Variants in NF1 observed in about 807,000 individuals in gnomAD.
NF1 encodes neurofibromin 1, also known as neurofibromin.
Under a neutral mutation model 325.7 loss-of-function variants are expected in NF1, and 122 were observed. That is an observed-to-expected ratio of 0.37 (90% CI 0.32 to 0.44). The LOEUF is 0.44. Ranked by LOEUF, NF1 falls within the 20% of genes least tolerant of loss-of-function variation. The pLI, the probability that NF1 is intolerant of heterozygous loss-of-function variation, is 1.00. For missense variants in NF1, 2,140 were observed against 3,415.4 expected (o/e 0.63, Z 9.31); for synonymous variants, 1,091 against 1,186.0 (o/e 0.92, Z 1.65).
rs745378696 is a variant in NF1 at position 31,352,287 on chromosome 17, T to C, written c.7488T>C (p.Ser2496=). 1 of 1,614,130 alleles carries C rather than the reference T, an allele frequency of 6.2e-7. No individual in the cohort carries two copies. The highest frequency in any genetic ancestry group is 1.7e-5 in the Admixed American group (1 of 60,014). Residue 2496 remains serine (S), a synonymous_variant, in exon 51 of 58, where the codon TCT becomes TCC. Transcript: ENST00000358273. ...TAAAGGAGACTCAGCCATGGTCCTC[T>C]CCCAAAGGTTCTGAAGGATACCTTG... The part of the protein sequence containing the change: ...RTLKETQPWS[S]PKGSEGYLAA...
chr17:31,340,428 T>C, intron 46 of NF1, 77 bp from the exon 47 acceptor site: 1 of 1,586,826 alleles, frequency 6.3e-7, no homozygotes, highest in East Asian at 2.2e-5. Flanking sequence ...AGCTGCTTTA[T>C]TTTTAACTGC....
intron 1 of NF1, among the ~76,000 whole-genome samples, chr17:31,126,049 G>A (rs1471727779): frequency 1.3e-5 from 2 of 152,142 alleles, no homozygotes; most frequent in African/African-American, 2.4e-5. Flanking sequence ...TTAGCTGGAC[G>A]TTGTGGCATG....
At chr17:31,305,515 G>T in intron 36 of NF1, 1 of 1,614,156 alleles carries the variant, frequency 6.2e-7, no homozygotes, top group South Asian at 1.1e-5. Flanking sequence ...GGTAGGCTGT[G>T]ACTGCTTCTC....
At chr17:31,351,086 A>G (rs2070130187) in intron 50 of NF1, among the ~76,000 whole-genome samples, 1 of 152,072 alleles carries the variant, frequency 6.6e-6, no homozygotes, top group African/African-American at 2.4e-5. Context: ...TCCCATTATT[A>G]TATTACTTTG....
At position 31,376,354 on chromosome 17, in the gene NF1, C is replaced by T. The variant is rs975450875; in HGVS notation, c.*2199C>T. 6.0e-5 allele frequency: 14 copies of T among 232,702 alleles called. No individual in the cohort carries two copies. Among genetic ancestry groups the T allele is most frequent in the Non-Finnish European group, 1.0e-4 (12 of 117,814 alleles). The allele number at this position is 232,702 out of a possible 1,614,324, so 14.4% of individuals were successfully genotyped here. A position where few individuals can be genotyped will look rare whatever the true frequency, so the allele number is the denominator to read the frequency against. On this transcript the variant is annotated 3_prime_UTR_variant, in exon 58 of 58. Transcript: ENST00000358273. ...TTAAAAATACTGATATTTCCATAAACGGGTTTACCAAGGGTGTAGTATTTC... is the reference window on the plus strand; with the variant it reads ...TTAAAAATACTGATATTTCCATAAATGGGTTTACCAAGGGTGTAGTATTTC...
intron 46 of NF1, 196 bp from the exon 47 acceptor site, chr17:31,340,309 G>A (rs537808347): frequency 1.3e-5 from 8 of 633,380 alleles, no homozygotes; most frequent in African/African-American, 3.7e-5. Flanking sequence ...GCTAAGTAAC[G>A]TTCTCAGTCC....
rs770039291 is a variant in NF1, at chr17:31,374,195, G to A, written c.*40G>A. On this transcript the variant is annotated 3_prime_UTR_variant, in exon 58 of 58. Transcript: ENST00000358273. ...CTTTTTTAAAATCAACTTAACATGGGCTCTTCACTAGTGACCCCTTCCCTG... is the reference window on the plus strand; with the variant it reads ...CTTTTTTAAAATCAACTTAACATGGACTCTTCACTAGTGACCCCTTCCCTG... The A allele has an allele frequency of 1.9e-6, 3 of 1,613,190 alleles. No homozygotes were observed. The highest frequency in any genetic ancestry group is 1.1e-5 in the South Asian group (1 of 91,014).
chr17:31,369,936 ATCATTCTGTT>A (rs1278491377), intron 57 of NF1, among the ~76,000 whole-genome samples: 1 of 152,232 alleles, frequency 6.6e-6, no homozygotes, highest in Non-Finnish European at 1.5e-5. Flanking sequence ...AGATACTATG[ATCATTCTGTT>A]TCATACTACC....
intron 29 of NF1, among the ~76,000 whole-genome samples, chr17:31,243,170 G>GTCTC (rs565793768): frequency 6.7e-6 from 1 of 148,728 alleles, no homozygotes; most frequent in Non-Finnish European, 1.5e-5. Flanking sequence ...AACAGAGTCA[G>GTCTC]TCTCTCTCTC....
chr17:31,206,415 C>T (rs2066624401), intron 12 of NF1, 44 bp downstream of exon 12: 1 of 1,610,904 alleles, frequency 6.2e-7, no homozygotes, highest in Non-Finnish European at 8.5e-7. Context: ...CTTTCTATTG[C>T]ATTTTTTTTA....
chr17:31,237,467 AG>A (rs1157170234), intron 29 of NF1, among the ~76,000 whole-genome samples: 2 of 151,822 alleles, frequency 1.3e-5, no homozygotes, highest in South Asian at 2.1e-4. Flanking sequence ...GGTAGAGACG[AG>A]GTTTTGCCTT....
chr17:31,218,629 C>T (rs912651054), intron 13 of NF1, among the ~76,000 whole-genome samples: 10 of 151,422 alleles, frequency 6.6e-5, no homozygotes, highest in African/African-American at 2.2e-4. Context: ...TGGAGTGCAG[C>T]GGTGCAATCT....
chr17:31,305,238 A>G (rs765186864), intron 36 of NF1: 1 of 1,614,204 alleles, frequency 6.2e-7, no homozygotes, highest in Non-Finnish European at 8.5e-7. Context: ...GTTGTCTGGC[A>G]GAGGTGAACA....
At chr17:31,182,451 T>C (rs2066154428) in intron 7 of NF1, 57 bp from the exon 8 acceptor site, 2 of 1,568,850 alleles carry the variant, frequency 1.3e-6, no homozygotes, top group Non-Finnish European at 1.7e-6. Context: ...GCTTTTACTT[T>C]AATGCCAGGG....
At chr17:31,139,492 A>T (rs1916057875) in intron 1 of NF1, among the ~76,000 whole-genome samples, 1 of 152,098 alleles carries the variant, frequency 6.6e-6, no homozygotes, top group Non-Finnish European at 1.5e-5. Context: ...TATCATGTAG[A>T]CCTTAAATTA....
At position 31,218,996 on chromosome 17, in the gene NF1, TC is replaced by T. The variant is rs2143985356; in HGVS notation, c.1528-7del. The T allele has an allele frequency of 2.5e-6, 4 of 1,609,442 alleles. No homozygotes were observed. The highest frequency in any genetic ancestry group is 3.4e-6 in the Non-Finnish European group (4 of 1,177,168). On this transcript the variant is annotated splice_polypyrimidine_tract_variant and splice_region_variant and intron_variant, in intron 13 of 57. Coordinates refer to ENST00000358273, the MANE Select transcript of NF1 (RefSeq NM_001042492.3). The stretch of plus-strand genomic sequence containing the variant: ...TTTTTTAATTGAAGTTTCCTTTTTT[TC>T]CTTGCAGAATCCAAGAAAACAGGGG...
chr17:31,255,673 A>C (rs936871637), intron 31 of NF1, among the ~76,000 whole-genome samples: 10 of 152,182 alleles, frequency 6.6e-5, no homozygotes, highest in African/African-American at 2.4e-4. Context: ...TGCTTTTGGG[A>C]AATCACTCAG....
chr17:31,226,079 G>A (rs2067007013), intron 17 of NF1, among the ~76,000 whole-genome samples: 1 of 151,800 alleles, frequency 6.6e-6, no homozygotes, highest in South Asian at 2.1e-4. Flanking sequence ...TTGACTGGGA[G>A]GTACATTATA....
At chr17:31,367,201 T>C in intron 57 of NF1, 3 of 1,302,492 alleles carry the variant, frequency 2.3e-6, no homozygotes, top group Non-Finnish European at 3.0e-6. Flanking sequence ...TTACTTGCTT[T>C]TTTTTCTTCC....
Sources: gnomAD v4.1 joint callset for allele counts (sites outside exome capture counted in the v4.1 genomes callset) on GRCh38, gnomAD v4.1.1 for gene constraint, MANE v1.5 for transcripts, NCBI Gene and HGNC (gene_info 2026-07-23, HGNC 2026-07-21) for gene names.